Variants in IGFL2 observed in about 807,000 individuals in gnomAD.
IGFL2 encodes IGF like family member 2, also known as insulin growth factor-like family member 2.
Under a neutral mutation model 13.9 loss-of-function variants are expected in IGFL2, and 7 were observed. That is an observed-to-expected ratio of 0.51 (90% confidence interval 0.29 to 0.95). IGFL2 has a LOEUF of 0.95. Ranked by LOEUF, IGFL2 falls within the 40% of genes least tolerant of loss-of-function variation. The pLI is 0.08. For missense variants in IGFL2, 138 were observed against 147.8 expected (o/e 0.93, Z 0.34); for synonymous variants, 55 against 55.8 (o/e 0.99, Z 0.07).
the IGFL2 span, among the ~76,000 whole-genome samples, chr19:46,095,693 G>A: frequency 5.3e-5 from 8 of 152,114 alleles, no homozygotes; most frequent in Non-Finnish European, 7.4e-5. Context: ...AATCCATCTT[G>A]AGTTAATTTT....
chr19:46,116,372 A>G, the IGFL2 span, among the ~76,000 whole-genome samples: 1 of 152,210 alleles, frequency 6.6e-6, no homozygotes. Flanking sequence ...GTTTAAGGAC[A>G]TTTACCTAAT....
chr19:46,156,849 G>A (rs1973851627), intron 1 of IGFL2, among the ~76,000 whole-genome samples: 1 of 152,084 alleles, frequency 6.6e-6, no homozygotes, highest in Non-Finnish European at 1.5e-5. Flanking sequence ...GAAATAAAGA[G>A]TTAATTCTTT....
chr19:46,139,328 C>A (rs376660923), upstream of IGFL2, among the ~76,000 whole-genome samples: 13 of 108,270 alleles, frequency 1.2e-4, no homozygotes, highest in African/African-American at 4.3e-4. Flanking sequence ...CAGCTCCTCT[C>A]CCCAATCAAA....
chr19:46,149,234 T>TTTTCTCTCTCTCTCTC (rs1159588763), intron 1 of IGFL2, among the ~76,000 whole-genome samples: 1 of 147,372 alleles, frequency 6.8e-6, no homozygotes, highest in African/African-American at 2.5e-5. Context: ...TCTCTCTCCC[T>TTTTCTCTCTCTCTCTC]TTTCTCTCTC....
chr19:46,107,470 G>A, the IGFL2 span, among the ~76,000 whole-genome samples: 4 of 152,224 alleles, frequency 2.6e-5, no homozygotes, highest in African/African-American at 7.2e-5. Context: ...CAGGCTGTGG[G>A]CATTCGTTGG....
At chr19:46,194,641 G>A in the IGFL2 span, among the ~76,000 whole-genome samples, 1 of 151,686 alleles carries the variant, frequency 6.6e-6, no homozygotes, top group African/African-American at 2.4e-5. Flanking sequence ...GGACAATATG[G>A]TGAAGCCCCA....
chr19:46,141,873 T>C (rs769279217), upstream of IGFL2, among the ~76,000 whole-genome samples: 5 of 152,196 alleles, frequency 3.3e-5, no homozygotes, highest in Admixed American at 6.5e-5. Flanking sequence ...ATCAAAGATA[T>C]GCATGCAAAG....
upstream of IGFL2, among the ~76,000 whole-genome samples, chr19:46,146,703 A>G (rs544835867): frequency 6.6e-6 from 1 of 152,202 alleles, no homozygotes; most frequent in African/African-American, 2.4e-5. Context: ...GGGTATTGTA[A>G]ATGGCATTTT....
At chr19:46,180,827 G>C in the IGFL2 span, among the ~76,000 whole-genome samples, 13 of 152,300 alleles carry the variant, frequency 8.5e-5, no homozygotes, top group African/African-American at 2.6e-4. Context: ...CAAGAGCAGG[G>C]AAGCATCCAG....
downstream of IGFL2, chr19:46,164,104 G>C (rs1202741856): frequency 6.8e-6 from 1 of 147,128 alleles, no homozygotes; most frequent in Non-Finnish European, 1.5e-5. Flanking sequence ...GTCAGCCCCT[G>C]GTTCCTCAGA....
the IGFL2 span, among the ~76,000 whole-genome samples, chr19:46,078,822 T>C: frequency 2.7e-4 from 41 of 151,350 alleles, no homozygotes; most frequent in Non-Finnish European, 4.4e-4. Flanking sequence ...GCGTCGTCAG[T>C]AGACATCGCG....
the IGFL2 span, among the ~76,000 whole-genome samples, chr19:46,097,503 C>CT: frequency 6.6e-6 from 1 of 151,968 alleles, no homozygotes; most frequent in African/African-American, 2.4e-5. Context: ...TTTTGTGTCT[C>CT]TATCTCCTTC....
chr19:46,212,554 A>C, the IGFL2 span: 1 of 152,206 alleles, frequency 6.6e-6, no homozygotes, highest in Non-Finnish European at 1.5e-5. Flanking sequence ...TCTGTGGGGA[A>C]ATCACACACC....
At chr19:46,133,368 C>T in the IGFL2 span, among the ~76,000 whole-genome samples, 2 of 152,198 alleles carry the variant, frequency 1.3e-5, no homozygotes, top group Non-Finnish European at 2.9e-5. Flanking sequence ...CCTGATATGC[C>T]ACCCTACTGC....
At chr19:46,150,594 A>G (rs563554474) in intron 1 of IGFL2, among the ~76,000 whole-genome samples, 11 of 152,292 alleles carry the variant, frequency 7.2e-5, no homozygotes, top group South Asian at 4.1e-4. Flanking sequence ...TACCATATCT[A>G]CCACCTAATA....
At chr19:46,207,847 A>G in the IGFL2 span, 1 of 152,256 alleles carries the variant, frequency 6.6e-6, no homozygotes, top group African/African-American at 2.4e-5. Flanking sequence ...CCAGTAAGCC[A>G]TGGGTTCATC....
chr19:46,081,118 G>A, the IGFL2 span, among the ~76,000 whole-genome samples: 15 of 152,300 alleles, frequency 9.8e-5, no homozygotes, highest in Non-Finnish European at 2.2e-4. Flanking sequence ...GGTTTGGACT[G>A]GCTAAACCAG....
the IGFL2 span, among the ~76,000 whole-genome samples, chr19:46,090,759 A>G: frequency 2.0e-5 from 3 of 152,152 alleles, no homozygotes; most frequent in African/African-American, 2.4e-5. Flanking sequence ...AGTGATGCAA[A>G]CTGTGGATTG....
the IGFL2 span, chr19:46,207,864 G>A: frequency 1.3e-5 from 2 of 152,312 alleles, no homozygotes; most frequent in Admixed American, 1.3e-4. Context: ...CATCAGATTG[G>A]ACTCTCTTTG....
Sources: gnomAD v4.1 joint callset for allele counts (sites outside exome capture counted in the v4.1 genomes callset) on GRCh38, gnomAD v4.1.1 for gene constraint, MANE v1.5 for transcripts, NCBI Gene and HGNC (gene_info 2026-07-23, HGNC 2026-07-21) for gene names.